The following DGLUCY variants were observed in gnomAD, a reference collection of about 807,000 sequenced individuals.
DGLUCY encodes D-glutamate cyclase, mitochondrial.
DGLUCY carries 58 observed loss-of-function variants against 58.5 expected under a neutral mutation model. That is an observed-to-expected ratio of 0.99 (90% CI 0.80 to 1.23). DGLUCY has a LOEUF of 1.23. DGLUCY is among the 50% of genes most tolerant of loss of function. The pLI, the probability that DGLUCY is intolerant of heterozygous loss-of-function variation, is 0.00. For missense variants in DGLUCY, 779 were observed against 784.7 expected (o/e 0.99, Z 0.09); for synonymous variants, 325 against 314.1 (o/e 1.03, Z -0.37).
chr14:91,166,802 T>TA (rs997414802), intron 3 of DGLUCY, among the ~76,000 whole-genome samples: 3 of 151,784 alleles, frequency 2.0e-5, no homozygotes, highest in South Asian at 2.1e-4. Context: ...CTTGCCACTT[T>TA]AAAAAAATCA....
intron 12 of DGLUCY, among the ~76,000 whole-genome samples, chr14:91,205,104 A>G (rs1186821099): frequency 6.6e-6 from 1 of 152,190 alleles, no homozygotes; most frequent in Non-Finnish European, 1.5e-5. Context: ...GAGCCCTGAC[A>G]AATAAACACA....
chr14:91,148,957 AAAAGT>A (rs1391814276), intron 1 of DGLUCY: 2 of 150,888 alleles, frequency 1.3e-5, no homozygotes, highest in East Asian at 3.9e-4. Context: ...TCAAAAAAAG[AAAAGT>A]AAAGGCTACG....
Position 91,176,030 on chromosome 14 carries a change from C to T in DGLUCY, c.704C>T (p.Thr235Ile), listed in dbSNP as rs754989441. The T allele has an allele frequency of 1.9e-6, 3 of 1,614,056 alleles. No individual in the cohort carries two copies. The East Asian group carries it at 6.7e-5, about 36-fold the overall frequency. Residue 235 changes from threonine (T) to isoleucine (I), a missense_variant, in exon 7 of 14, where the codon ACC (threonine) becomes ATC (isoleucine). By Grantham distance (89) the Thr-to-Ile change is moderately conservative. Coordinates refer to ENST00000256324, the MANE Select transcript of DGLUCY (RefSeq NM_001102368.3). The stretch of plus-strand genomic sequence containing the variant: ...CCAGTGTTCTGGCCTTCTCCGCTGA[C>T]CAGTCTCGGAGCTGTCAGCAGCTGT... The part of the protein sequence containing the change: ...EVPVFWPSPL[T>I]SLGAVSSCET...
At chr14:91,101,162 T>G (rs141612921) in intron 1 of DGLUCY, among the ~76,000 whole-genome samples, 3 of 152,356 alleles carry the variant, frequency 2.0e-5, no homozygotes, top group East Asian at 1.9e-4. Flanking sequence ...TAAAGATATT[T>G]GATAGATCAG....
At chr14:91,151,157 TA>T (rs1166693054) in intron 1 of DGLUCY, among the ~76,000 whole-genome samples, 1 of 152,272 alleles carries the variant, frequency 6.6e-6, no homozygotes, top group Non-Finnish European at 1.5e-5. Flanking sequence ...CCTTCCTTTT[TA>T]AGGCTGAAGA....
chr14:91,115,859 G>C (rs772283346), intron 1 of DGLUCY, among the ~76,000 whole-genome samples: 4 of 152,016 alleles, frequency 2.6e-5, no homozygotes, highest in Non-Finnish European at 5.9e-5. Context: ...ATGGGCTCAC[G>C]TTTCCGCAGC....
At chr14:91,143,182 G>C (rs2046822887) in intron 1 of DGLUCY, among the ~76,000 whole-genome samples, 1 of 151,508 alleles carries the variant, frequency 6.6e-6, no homozygotes, top group Non-Finnish European at 1.5e-5. Context: ...TGCAAGCTCT[G>C]CCTCCCGGGT....
At chr14:91,145,020 T>C (rs1449439322) in intron 1 of DGLUCY, among the ~76,000 whole-genome samples, 2 of 152,168 alleles carry the variant, frequency 1.3e-5, no homozygotes, top group Non-Finnish European at 2.9e-5. Context: ...GAAATGAGCC[T>C]GTTTCCTCCT....
chr14:91,106,662 G>A (rs1490103981), upstream of DGLUCY, among the ~76,000 whole-genome samples: 1 of 149,696 alleles, frequency 6.7e-6, no homozygotes, highest in African/African-American at 2.5e-5. Flanking sequence ...AGCCCAGATT[G>A]CTCCACTGCA....
At chr14:91,196,083 G>C (rs2050187987) in intron 9 of DGLUCY, among the ~76,000 whole-genome samples, 2 of 152,224 alleles carry the variant, frequency 1.3e-5, no homozygotes, top group South Asian at 4.1e-4. Flanking sequence ...CAGTGGGCCA[G>C]AACAGGCCGC....
intron 1 of DGLUCY, among the ~76,000 whole-genome samples, chr14:91,083,223 A>C (rs2044156123): frequency 6.6e-6 from 1 of 152,118 alleles, no homozygotes; most frequent in African/African-American, 2.4e-5. Flanking sequence ...CCTCCCACTT[A>C]AAGAACAAAG....
chr14:91,169,883 C>A, intron 4 of DGLUCY, 120 bp from the exon 5 acceptor site: 1 of 1,035,360 alleles, frequency 9.7e-7, no homozygotes, highest in Non-Finnish European at 1.4e-6. Context: ...TACCCTGGTG[C>A]CAGGGCTGAA....
chr14:91,064,588 A>C (rs552508841), intron 1 of DGLUCY, among the ~76,000 whole-genome samples: 1 of 146,142 alleles, frequency 6.8e-6, no homozygotes, highest in African/African-American at 2.5e-5. Flanking sequence ...GCATCACTGC[A>C]CTCCAGCCTG....
chr14:91,066,981 T>C (rs1204997368), intron 1 of DGLUCY, among the ~76,000 whole-genome samples: 1 of 146,386 alleles, frequency 6.8e-6, no homozygotes, highest in African/African-American at 2.6e-5. Flanking sequence ...CTTGGGAGGC[T>C]GAGACAGCAG....
chr14:91,145,921 C>T (rs1457041745), intron 1 of DGLUCY, among the ~76,000 whole-genome samples: 1 of 152,102 alleles, frequency 6.6e-6, no homozygotes, highest in Non-Finnish European at 1.5e-5. Flanking sequence ...CCCTGTTGCC[C>T]AGGCTGGAGT....
chr14:91,153,968 C>T (rs1037561985), intron 1 of DGLUCY, among the ~76,000 whole-genome samples: 2 of 152,080 alleles, frequency 1.3e-5, no homozygotes, highest in Admixed American at 1.3e-4. Context: ...TGCAGTGGTG[C>T]GATCTCGACT....
At chr14:91,106,706 CAA>C (rs35463102), upstream of DGLUCY, among the ~76,000 whole-genome samples, 2 of 139,126 alleles carry the variant, frequency 1.4e-5, no homozygotes, top group Non-Finnish European at 1.5e-5. Flanking sequence ...GACTCTGTCT[CAA>C]AAAAAAAAAA....
chr14:91,180,299 T>C (rs980444530), intron 7 of DGLUCY, among the ~76,000 whole-genome samples: 3 of 151,644 alleles, frequency 2.0e-5, no homozygotes, highest in African/African-American at 7.3e-5. Context: ...GGGCTGGGCG[T>C]GGTGGCTCAC....
chr14:91,224,339 G>A (rs1887915789), intron 13 of DGLUCY, among the ~76,000 whole-genome samples: 2 of 152,164 alleles, frequency 1.3e-5, no homozygotes, highest in African/African-American at 4.8e-5. Flanking sequence ...ACCAGTCTGG[G>A]CAACATAGCA....
Sources: gnomAD v4.1 joint callset for allele counts (sites outside exome capture counted in the v4.1 genomes callset) on GRCh38, gnomAD v4.1.1 for gene constraint, MANE v1.5 for transcripts, NCBI Gene and HGNC (gene_info 2026-07-23, HGNC 2026-07-21) for gene names.